The following NUP93 variants were observed in gnomAD, a reference collection of about 807,000 sequenced individuals.
The protein encoded by NUP93 is nucleoporin 93.
A neutral mutation model predicts 107.8 loss-of-function variants in NUP93; 55 were observed. The ratio of observed to expected loss-of-function variants is 0.51; its 90% CI spans 0.41 to 0.64. NUP93 has a LOEUF of 0.64. Ranked by LOEUF, NUP93 falls within the 30% of genes least tolerant of loss-of-function variation. The pLI is 0.00. For synonymous variants in NUP93, 390 were observed against 397.5 expected, an observed-to-expected ratio of 0.98 and a Z score of 0.22; for missense variants, 937 against 1,044.7, an observed-to-expected ratio of 0.90 and a Z score of 1.42.
In NUP93 at chr16:56,846,415, TAA is replaced by T. The variant is rs544021189; in HGVS notation, c.*1808_*1809del. On this transcript the variant is annotated 3_prime_UTR_variant, in exon 22 of 22. Transcript: ENST00000308159. ...AGAGCGATACTCCGTCTCAAAAAAATAAAGAGTACTCTGGCCGAGTGCAGTGG... is the reference window on the plus strand; with the variant it reads ...AGAGCGATACTCCGTCTCAAAAAAATAGAGTACTCTGGCCGAGTGCAGTGG... 721 of 136,956 alleles carry T rather than the reference TAA, an allele frequency of 5.3e-3. 4 individuals are homozygous for T. The highest frequency in any genetic ancestry group is 6.3e-3 in the Non-Finnish European group (398 of 63,438). 8.5% of individuals were successfully genotyped at this position (136,956 alleles called of 1,614,324 possible).
intron 3 of NUP93, among the ~76,000 whole-genome samples, chr16:56,772,433 T>C (rs1333015683): frequency 2.0e-5 from 3 of 152,260 alleles, no homozygotes; most frequent in African/African-American, 7.2e-5. Flanking sequence ...GATGGATTCG[T>C]TGAGTAAATG....
chr16:56,826,035 T>G (rs752727524), intron 8 of NUP93, among the ~76,000 whole-genome samples: 59 of 152,230 alleles, frequency 3.9e-4, no homozygotes, highest in Admixed American at 2.0e-3. Flanking sequence ...GTCTCTTCCC[T>G]GCCACATTCC....
chr16:56,802,270 C>G (rs772844889), intron 4 of NUP93, among the ~76,000 whole-genome samples: 5 of 152,142 alleles, frequency 3.3e-5, no homozygotes, highest in Non-Finnish European at 5.9e-5. Context: ...TCCATTCTTT[C>G]TGGACAACTT....
chr16:56,848,558 T>C lies in NUP93; in HGVS notation c.*3949T>C, dbSNP rs1383530100. On this transcript the variant is annotated 3_prime_UTR_variant, in exon 22 of 22. Transcript: ENST00000308159. The stretch of plus-strand genomic sequence containing the variant: ...ACCATCTTCTGACAGTTCCATAATA[T>C]ATTGGTATCCCTCACAGGGCAGGGA... 2 of 152,200 alleles carry C rather than the reference T, an allele frequency of 1.3e-5. No homozygotes were observed. The highest frequency in any genetic ancestry group is 2.4e-5 in the African/African-American group (1 of 41,444). The allele number at this position is 152,200 out of a possible 1,614,324, so 9.4% of individuals were successfully genotyped here. A position where few individuals can be genotyped will look rare whatever the true frequency, so the allele number is the denominator to read the frequency against.
At chr16:56,765,281 A>G (rs2060791892) in intron 3 of NUP93, among the ~76,000 whole-genome samples, 1 of 152,214 alleles carries the variant, frequency 6.6e-6, no homozygotes, top group African/African-American at 2.4e-5. Flanking sequence ...AAGCATTTGC[A>G]TTTATTTATC....
chr16:56,744,968 A>G (rs572221874), intron 1 of NUP93, among the ~76,000 whole-genome samples: 2 of 152,186 alleles, frequency 1.3e-5, no homozygotes, highest in African/African-American at 4.8e-5. Context: ...CCTCCTATTC[A>G]TTCAAAAAAT....
rs1187198469 is a variant in NUP93, at chr16:56,845,545, G to A, written c.*936G>A. 6.6e-6 allele frequency: 1 copy of A among 152,214 alleles called. No individual in the cohort carries two copies. Among genetic ancestry groups the A allele is most frequent in the African/African-American group, 2.4e-5 (1 of 41,422 alleles). 9.4% of individuals were successfully genotyped at this position (152,214 alleles called of 1,614,324 possible). On this transcript the variant is annotated 3_prime_UTR_variant, in exon 22 of 22. Coordinates refer to ENST00000308159, the MANE Select transcript of NUP93 (RefSeq NM_014669.5). ...GGTGTTTGCTCCCTGAGCAGTAGTT[G>A]TCACCCATCATTTGCTCTGTTTCCC...
chr16:56,761,327 A>G (rs1962122591), intron 3 of NUP93, among the ~76,000 whole-genome samples: 1 of 152,216 alleles, frequency 6.6e-6, no homozygotes, highest in South Asian at 2.1e-4. Flanking sequence ...ATAAGAGCCA[A>G]GCCAGCTTGC....
chr16:56,842,330 C>T (rs1964041290), intron 21 of NUP93, among the ~76,000 whole-genome samples: 1 of 152,098 alleles, frequency 6.6e-6, no homozygotes, highest in African/African-American at 2.4e-5. Context: ...GAAGCAACTG[C>T]CCTCAGGTGG....
intron 4 of NUP93, among the ~76,000 whole-genome samples, chr16:56,803,125 T>C (rs1567395491): frequency 6.6e-6 from 1 of 152,186 alleles, no homozygotes; most frequent in Non-Finnish European, 1.5e-5. Context: ...ACTGGTTTGC[T>C]TCCTCCTATG....
intron 6 of NUP93, among the ~76,000 whole-genome samples, chr16:56,820,877 A>G (rs551253020): frequency 6.6e-6 from 1 of 152,336 alleles, no homozygotes; most frequent in Admixed American, 6.5e-5. Context: ...ACTAGTTCTA[A>G]ATCTAGAAGA....
intron 3 of NUP93, among the ~76,000 whole-genome samples, chr16:56,795,803 C>T (rs1458083238): frequency 1.3e-5 from 2 of 152,038 alleles, no homozygotes; most frequent in African/African-American, 4.8e-5. Context: ...CCCGCCACCA[C>T]GGCTGGCTAA....
intron 4 of NUP93, among the ~76,000 whole-genome samples, chr16:56,804,404 C>A (rs1475130782): frequency 2.0e-5 from 3 of 152,164 alleles, no homozygotes; most frequent in African/African-American, 7.2e-5. Flanking sequence ...CTGACACTTG[C>A]TACAACTCTT....
At chr16:56,816,786 G>A (rs765307593) in intron 5 of NUP93, among the ~76,000 whole-genome samples, 17 of 152,128 alleles carry the variant, frequency 1.1e-4, no homozygotes, top group Admixed American at 2.0e-4. Context: ...GGAATTTGCG[G>A]TCTAGTTGAT....
intron 1 of NUP93, chr16:56,740,701 CCGAGA>C (rs1567372269): frequency 1.1e-5 from 2 of 188,658 alleles, no homozygotes; most frequent in African/African-American, 4.8e-5. Context: ...TTGTAGTGAG[CCGAGA>C]TCACGCCACT....
chr16:56,786,493 A>C (rs1481751727), intron 3 of NUP93, among the ~76,000 whole-genome samples: 1 of 152,246 alleles, frequency 6.6e-6, no homozygotes, highest in Non-Finnish European at 1.5e-5. Flanking sequence ...AGCTTTCAGC[A>C]AAGTCTGTCT....
chr16:56,796,742 G>A (rs1012399419), intron 3 of NUP93, among the ~76,000 whole-genome samples: 1 of 152,202 alleles, frequency 6.6e-6, no homozygotes, highest in African/African-American at 2.4e-5. Context: ...ACTTTGGGAG[G>A]CCAAGGCGGT....
At chr16:56,809,518 CT>C (rs1963267787) in intron 5 of NUP93, among the ~76,000 whole-genome samples, 2 of 152,152 alleles carry the variant, frequency 1.3e-5, no homozygotes, top group African/African-American at 4.8e-5. Context: ...CCTGATAAGT[CT>C]TTTTTTCCCC....
Position 56,841,876 on chromosome 16 carries a change from T to G in NUP93, c.2349+43T>G, listed in dbSNP as rs748834321. On this transcript the variant is annotated intron_variant, in intron 21 of 21. Transcript: ENST00000308159. ...GCGAGAAACATTGCTAAGCACCACC[T>G]TTCTGGTTTGGAATCCGTTGCGCTC... is the stretch of plus-strand genomic sequence containing the variant. The G allele has an allele frequency of 1.8e-5, 29 of 1,608,982 alleles. No individual in the cohort carries two copies. The East Asian group carries it at 6.2e-4, about 35-fold the overall frequency.
Sources: gnomAD v4.1 joint callset for allele counts (sites outside exome capture counted in the v4.1 genomes callset) on GRCh38, gnomAD v4.1.1 for gene constraint, MANE v1.5 for transcripts, NCBI Gene and HGNC (gene_info 2026-07-23, HGNC 2026-07-21) for gene names.